The following DCC variants were observed in gnomAD, a reference collection of about 807,000 sequenced individuals.
The protein encoded by DCC is DCC netrin 1 receptor, also known as netrin receptor DCC.
Under a neutral mutation model 172.5 loss-of-function variants are expected in DCC, and 58 were observed. The ratio of observed to expected loss-of-function variants is 0.34; its 90% CI spans 0.27 to 0.42. The LOEUF is 0.42. Ranked by LOEUF, DCC falls within the 10% of genes least tolerant of loss-of-function variation. The pLI is 1.00. For synonymous variants in DCC, 709 were observed against 644.5 expected, an observed-to-expected ratio of 1.10 and a Z score of -1.52; for missense variants, 1,740 against 1,791.0, an observed-to-expected ratio of 0.97 and a Z score of 0.51.
intron 1 of DCC, among the ~76,000 whole-genome samples, chr18:52,584,323 T>C (rs548893707): frequency 6.6e-6 from 1 of 152,318 alleles, no homozygotes; most frequent in East Asian, 1.9e-4. Context: ...AGACTGCTCA[T>C]TGGACGAATG....
rs756239394 is a variant in DCC at position 53,179,146 on chromosome 18, A to T, written c.1573+30A>T. The T allele has an allele frequency of 5.0e-6, 8 of 1,606,130 alleles. No homozygotes were observed. The African/African-American group carries it at 6.7e-5, about 13-fold the overall frequency. ...GTATGAAAAGGAACGGGCCACATTTAAAAAGTATTTATTTTCCTCTGCAAT... is the reference window on the plus strand; with the variant it reads ...GTATGAAAAGGAACGGGCCACATTTTAAAAGTATTTATTTTCCTCTGCAAT... On this transcript the variant is annotated intron_variant, in intron 9 of 28. Coordinates refer to ENST00000442544, the MANE Select transcript of DCC (RefSeq NM_005215.4).
At chr18:52,772,910 G>T (rs932432142) in intron 2 of DCC, among the ~76,000 whole-genome samples, 3 of 152,126 alleles carry the variant, frequency 2.0e-5, no homozygotes, top group African/African-American at 7.2e-5. Context: ...ATATTGAAAT[G>T]GTTGCAAATA....
chr18:53,506,419 G>A (rs899704485), intron 27 of DCC, among the ~76,000 whole-genome samples: 3 of 152,236 alleles, frequency 2.0e-5, no homozygotes, highest in South Asian at 2.1e-4. Context: ...ACTATAAATA[G>A]CATCTTATGC....
rs140387178 is a variant in DCC, at chr18:52,532,598, G to C, written c.91+191720G>C. Among the ~76,000 whole-genome samples, 8 of 152,264 alleles carry C rather than the reference G, an allele frequency of 5.3e-5. No individual in the cohort carries two copies. The East Asian group carries it at 1.3e-3, about 26-fold the overall frequency. ...CAGCTGAGAAACGTGCATCACCATT[G>C]ACTGAAGGATATGGGTGTGGGAAAC... is the stretch of plus-strand genomic sequence containing the variant. On this transcript the variant is annotated intron_variant, in intron 1 of 28. Coordinates refer to ENST00000442544, the MANE Select transcript of DCC (RefSeq NM_005215.4).
chr18:53,348,113 A>C (rs142110528), intron 15 of DCC, among the ~76,000 whole-genome samples: 1 of 152,154 alleles, frequency 6.6e-6, no homozygotes, highest in East Asian at 1.9e-4. Flanking sequence ...CCACAGTCCA[A>C]TGTCTCATCT....
At chr18:52,514,837 A>T (rs1334582084) in intron 1 of DCC, among the ~76,000 whole-genome samples, 2 of 152,208 alleles carry the variant, frequency 1.3e-5, no homozygotes, top group African/African-American at 4.8e-5. Flanking sequence ...TCTAAATTTT[A>T]GTGACATTGT....
chr18:52,577,757 A>G (rs1230548766), intron 1 of DCC, among the ~76,000 whole-genome samples: 3 of 152,190 alleles, frequency 2.0e-5, no homozygotes, highest in East Asian at 3.9e-4. Context: ...TCCATTTTGC[A>G]TTGGAAATAG....
intron 22 of DCC, among the ~76,000 whole-genome samples, chr18:53,449,367 A>G (rs990113301): frequency 3.3e-5 from 5 of 152,208 alleles, no homozygotes; most frequent in Non-Finnish European, 7.3e-5. Context: ...TTTAGCAAGT[A>G]ACTCATCACA....
chr18:52,424,519 G>A (rs1987358029), intron 1 of DCC, among the ~76,000 whole-genome samples: 1 of 152,070 alleles, frequency 6.6e-6, no homozygotes, highest in Non-Finnish European at 1.5e-5. Flanking sequence ...AAATAAGTAG[G>A]GCATGGTTTT....
At chr18:52,880,895 T>TTATA (rs2039475873) in intron 2 of DCC, among the ~76,000 whole-genome samples, 1 of 152,168 alleles carries the variant, frequency 6.6e-6, no homozygotes, top group South Asian at 2.1e-4. Flanking sequence ...GATTACTGGA[T>TTATA]TATATGATAG....
At chr18:52,727,367 AAGAGTT>A (rs1468488688) in intron 1 of DCC, among the ~76,000 whole-genome samples, 1 of 152,160 alleles carries the variant, frequency 6.6e-6, no homozygotes, top group Admixed American at 6.5e-5. Context: ...GAAAGTTTCC[AAGAGTT>A]AGGATAAGGA....
chr18:53,279,647 TAAAAAAAA>T (rs34872786), intron 12 of DCC, among the ~76,000 whole-genome samples: 1 of 139,300 alleles, frequency 7.2e-6, no homozygotes, highest in African/African-American at 2.7e-5. Flanking sequence ...TAAAGTATAA[TAAAAAAAA>T]AAAAAAAAAC....
chr18:53,350,040 G>A (rs1473737959), intron 15 of DCC, among the ~76,000 whole-genome samples: 2 of 151,876 alleles, frequency 1.3e-5, no homozygotes, highest in Admixed American at 1.3e-4. Context: ...AAGATAAAAA[G>A]TAACATAAAA....
intron 1 of DCC, among the ~76,000 whole-genome samples, chr18:52,388,697 T>C (rs559140929): frequency 1.3e-5 from 2 of 152,226 alleles, no homozygotes; most frequent in Admixed American, 6.5e-5. Context: ...TCTTTGGACA[T>C]TTTTCCTTCC....
intron 1 of DCC, among the ~76,000 whole-genome samples, chr18:52,681,670 C>A (rs1006395403): frequency 6.6e-6 from 1 of 152,040 alleles, no homozygotes; most frequent in Admixed American, 6.6e-5. Flanking sequence ...CAGATGGACC[C>A]ACTGGTAGGA....
chr18:53,360,907 C>G (rs1490767975), intron 15 of DCC, among the ~76,000 whole-genome samples: 1 of 152,052 alleles, frequency 6.6e-6, no homozygotes, highest in Non-Finnish European at 1.5e-5. Flanking sequence ...AAAAGGTGTA[C>G]TGGTTTGAAG....
chr18:52,725,772 A>G (rs2036542800), intron 1 of DCC, among the ~76,000 whole-genome samples: 1 of 152,218 alleles, frequency 6.6e-6, no homozygotes, highest in Non-Finnish European at 1.5e-5. Flanking sequence ...GGATAAGGCA[A>G]TTGAGATAGG....
chr18:53,354,378 A>G (rs1461008651), intron 15 of DCC, among the ~76,000 whole-genome samples: 2 of 152,194 alleles, frequency 1.3e-5, no homozygotes, highest in Non-Finnish European at 2.9e-5. Context: ...CAGTCCCACC[A>G]ACAGTGTAAA....
At chr18:52,924,450 C>T (rs2040170615) in intron 4 of DCC, among the ~76,000 whole-genome samples, 1 of 151,814 alleles carries the variant, frequency 6.6e-6, no homozygotes, top group Non-Finnish European at 1.5e-5. Context: ...GCTCATATTC[C>T]CAGCTATAAC....
Sources: gnomAD v4.1 joint callset for allele counts (sites outside exome capture counted in the v4.1 genomes callset) on GRCh38, gnomAD v4.1.1 for gene constraint, MANE v1.5 for transcripts, NCBI Gene and HGNC (gene_info 2026-07-23, HGNC 2026-07-21) for gene names.